GALNT10: variants seen among roughly 807,000 people sequenced by gnomAD.
The protein encoded by GALNT10 is polypeptide N-acetylgalactosaminyltransferase 10.
In GALNT10, 41 loss-of-function variants were observed where a neutral mutation model predicts 75.0. The ratio of observed to expected loss-of-function variants is 0.55; its 90% CI spans 0.43 to 0.71. The LOEUF (loss-of-function observed/expected upper bound fraction) is 0.71, where lower values mean the gene tolerates loss of function less well. Among genes scored for constraint, GALNT10 ranks in the 30% least tolerant of loss-of-function variants. The pLI is 0.00. For synonymous variants in GALNT10, 302 were observed against 313.0 expected, an observed-to-expected ratio of 0.96 and a Z score of 0.37; for missense variants, 727 against 818.5, an observed-to-expected ratio of 0.89 and a Z score of 1.36.
chr5:154,245,050 C>A (rs1400328657), intron 1 of GALNT10, among the ~76,000 whole-genome samples: 1 of 152,162 alleles, frequency 6.6e-6, no homozygotes, highest in Non-Finnish European at 1.5e-5. Context: ...GCTCATGCAG[C>A]AAAATGAGCT....
Position 154,412,907 on chromosome 5 carries a change from G to A in GALNT10, c.1405G>A (p.Gly469Arg), listed in dbSNP as rs370371473. Residue 469 changes from glycine (G) to arginine (R), a missense_variant, in exon 10 of 12, where the codon GGG becomes AGG. Gly to Arg is a moderately radical substitution (Grantham distance 125). Coordinates refer to ENST00000297107, the MANE Select transcript of GALNT10 (RefSeq NM_198321.4). This position sits in a 1 kb window ranked among gnomAD's most constrained non-coding sequence, Gnocchi z 4.2. Reference protein sequence around the residue: ...AWGEIRNVGTGLCADTKHGAL... With the variant: ...AWGEIRNVGTRLCADTKHGAL... ...CTTTCAGATCCGAAATGTGGGCACA[G>A]GGCTGTGTGCAGACACAAAGCACGG... 2.5e-6 allele frequency: 4 copies of A among 1,612,464 alleles called. No individual in the cohort carries two copies. The Admixed American group carries it at 6.7e-5, about 27-fold the overall frequency.
At chr5:154,277,684 G>C (rs144189834) in intron 1 of GALNT10, among the ~76,000 whole-genome samples, 1 of 152,202 alleles carries the variant, frequency 6.6e-6, no homozygotes, top group Non-Finnish European at 1.5e-5. Context: ...ATAAACCAGA[G>C]TTATCAGAAG....
intron 1 of GALNT10, among the ~76,000 whole-genome samples, chr5:154,221,921 A>AT (rs35499884): frequency 1.5e-3 from 232 of 149,708 alleles, no homozygotes; most frequent in East Asian, 9.2e-3. Context: ...TTTTTAAAGG[A>AT]TTTTTTTTTT....
intron 3 of GALNT10, among the ~76,000 whole-genome samples, chr5:154,305,296 T>TAA (rs374431386): frequency 0.02 from 2,716 of 133,642 alleles, 79 homozygotes; most frequent in African/African-American, 0.065. Context: ...ACCTCATCTG[T>TAA]AAAAAAAAAA....
chr5:154,254,122 T>C (rs3863198), intron 1 of GALNT10, among the ~76,000 whole-genome samples: 61,870 of 152,082 alleles, frequency 0.41, 14,903 homozygotes, highest in East Asian at 0.76. Flanking sequence ...TGCTTCCTAT[T>C]TCCTCCCACA....
intron 1 of GALNT10, among the ~76,000 whole-genome samples, chr5:154,261,531 C>T (rs565714773): frequency 6.6e-6 from 1 of 152,250 alleles, no homozygotes; most frequent in Admixed American, 6.5e-5. Context: ...AAATGTGTTC[C>T]ATTGCTTTTC....
At chr5:154,215,497 C>CAA (rs1752852317) in intron 1 of GALNT10, among the ~76,000 whole-genome samples, 1 of 152,040 alleles carries the variant, frequency 6.6e-6, no homozygotes, top group Admixed American at 6.6e-5. Flanking sequence ...AAACAAAAAA[C>CAA]AAAACAAAAC....
intron 3 of GALNT10, among the ~76,000 whole-genome samples, chr5:154,325,281 A>C (rs566921378): frequency 6.6e-6 from 1 of 152,196 alleles, no homozygotes; most frequent in East Asian, 1.9e-4. Flanking sequence ...TTCTGTAATC[A>C]TACTCTTAGC....
chr5:154,379,624 G>A (rs1755704444), intron 5 of GALNT10, among the ~76,000 whole-genome samples: 1 of 152,236 alleles, frequency 6.6e-6, no homozygotes, highest in African/African-American at 2.4e-5. Context: ...CAAAGAAGAA[G>A]GGCAGAGCAA....
At chr5:154,220,692 G>C (rs1462442687) in intron 1 of GALNT10, among the ~76,000 whole-genome samples, 2 of 152,208 alleles carry the variant, frequency 1.3e-5, no homozygotes, top group African/African-American at 4.8e-5. Context: ...CAAGAGAAAT[G>C]TTCAAAGCTG....
intron 1 of GALNT10, among the ~76,000 whole-genome samples, chr5:154,264,351 A>C (rs1394184362): frequency 1.3e-5 from 2 of 150,884 alleles, no homozygotes; most frequent in African/African-American, 4.9e-5. Flanking sequence ...GGACAATGGG[A>C]AACCTGAATA....
intron 4 of GALNT10, among the ~76,000 whole-genome samples, chr5:154,368,356 T>C (rs1755510932): frequency 6.6e-6 from 1 of 152,204 alleles, no homozygotes; most frequent in African/African-American, 2.4e-5. Context: ...GCTCTCTGCT[T>C]TCAATGGTGC....
intron 1 of GALNT10, chr5:154,217,876 A>ATTTTTGAGCTC: frequency 3.0e-6 from 1 of 331,772 alleles, no homozygotes; most frequent in Non-Finnish European, 4.3e-6. Flanking sequence ...AAAAATAGCT[A>ATTTTTGAGCTC]TTAATTTTTT....
intron 4 of GALNT10, among the ~76,000 whole-genome samples, chr5:154,331,153 T>C (rs553206308): frequency 1.3e-5 from 2 of 152,282 alleles, no homozygotes; most frequent in South Asian, 2.1e-4. Context: ...GACTACCACA[T>C]TGGTCCTGTT....
rs547655807 is a variant in GALNT10, at chr5:154,335,216, A to G, written c.568+5478A>G. ...TGATTTATCAAAGTAATTCATATTC[A>G]TGTATTCAGCAGTATTCATGACATG... On this transcript the variant is annotated intron_variant, in intron 4 of 11. Transcript: ENST00000297107. 2.0e-5 allele frequency among the ~76,000 whole-genome samples: 3 copies of G among 152,196 alleles called. No individual in the cohort carries two copies. In the South Asian group the frequency reaches 6.2e-4, roughly 32 times the overall value.
chr5:154,420,789 T>C lies in GALNT10; in HGVS notation c.*3817T>C, dbSNP rs1756613323. ...ACAGGGTCAGACTCCTGCTCTGTTA[T>C]TGGCTTGAAGACTAGGATCCCAAAG... On this transcript the variant is annotated 3_prime_UTR_variant, in exon 12 of 12. Coordinates refer to ENST00000297107, the MANE Select transcript of GALNT10 (RefSeq NM_198321.4). 6.6e-6 allele frequency: 1 copy of C among 152,214 alleles called. No individual in the cohort carries two copies. The highest frequency in any genetic ancestry group is 1.5e-5 in the Non-Finnish European group (1 of 68,042). The allele number at this position is 152,214 out of a possible 1,614,324, so 9.4% of individuals were successfully genotyped here. A position where few individuals can be genotyped will look rare whatever the true frequency, so the allele number is the denominator to read the frequency against.
At chr5:154,410,496 G>C (rs769767126) in intron 9 of GALNT10, among the ~76,000 whole-genome samples, 2 of 152,196 alleles carry the variant, frequency 1.3e-5, no homozygotes, top group Non-Finnish European at 2.9e-5. Context: ...AGGTTCCAGT[G>C]AGCTGTGCTC....
chr5:154,206,151 G>C (rs560425794), intron 1 of GALNT10, among the ~76,000 whole-genome samples: 2 of 152,092 alleles, frequency 1.3e-5, no homozygotes, highest in Non-Finnish European at 2.9e-5. Flanking sequence ...TTTAATTCAT[G>C]GAAAAGATCC....
intron 4 of GALNT10, among the ~76,000 whole-genome samples, chr5:154,365,294 C>T (rs776557444): frequency 6.6e-6 from 1 of 152,096 alleles, no homozygotes; most frequent in Non-Finnish European, 1.5e-5. Context: ...TAATTTGTAG[C>T]GTGATACCTA....
Sources: allele counts gnomAD v4.1 joint callset (sites outside exome capture counted in the v4.1 genomes callset), GRCh38; gene constraint gnomAD v4.1.1; non-coding constraint Gnocchi (gnomAD v3.1); transcripts MANE v1.5; gene names NCBI Gene and HGNC (gene_info 2026-07-23, HGNC 2026-07-21).